MCC: variants seen among roughly 807,000 people sequenced by gnomAD.
The protein encoded by MCC is MCC regulator of Wnt signaling pathway.
In MCC, 90 loss-of-function variants were observed where a neutral mutation model predicts 116.2. The ratio of observed to expected loss-of-function variants is 0.77; its 90% CI spans 0.65 to 0.92. MCC has a LOEUF of 0.92. MCC is among the 40% of genes least tolerant of loss of function. The probability of loss-of-function intolerance (pLI) is 0.00; values close to 1 mark genes in which losing one functional copy is unlikely to be tolerated. For missense variants in MCC, 1,516 were observed against 1,312.2 expected (o/e 1.16, Z -2.40); for synonymous variants, 578 against 510.5 (o/e 1.13, Z -1.78).
At chr5:113,086,470 T>C (rs7708215) in intron 8 of MCC, among the ~76,000 whole-genome samples, 19,999 of 152,220 alleles carry the variant, frequency 0.13, 1,460 homozygotes, top group South Asian at 0.21. Flanking sequence ...CAGATGAGAT[T>C]TTCCCTGGAA....
Position 113,022,584 on chromosome 5 carries a change from TACTC to T in MCC, c.*4714_*4717del, listed in dbSNP as rs368951140. 1,061 of 152,348 alleles carry T rather than the reference TACTC, an allele frequency of 7.0e-3. 9 individuals carry two copies. The highest frequency in any genetic ancestry group is 0.023 in the African/African-American group (974 of 41,574). The allele number at this position is 152,348 out of a possible 1,614,324, so 9.4% of individuals were successfully genotyped here. Reference sequence around the variant, plus strand: ...ACAAAAGCAGATTATCAGGGGCTCTTACTCACTTGCCATTCCTGACATGAGCACT... The same window carrying T: ...ACAAAAGCAGATTATCAGGGGCTCTTACTTGCCATTCCTGACATGAGCACT... On this transcript the variant is annotated 3_prime_UTR_variant, in exon 19 of 19. Coordinates refer to ENST00000408903, the MANE Select transcript of MCC (RefSeq NM_001085377.2).
rs754714587 is a variant in MCC at position 113,085,277 on chromosome 5, G to A, written c.1432C>T (p.Gln478Ter). The change falls in exon 9 of 19, where the codon CAG becomes TAG. Residue 478 changes from glutamine (Q) to a stop codon, truncating the protein, a stop_gained. Transcript: ENST00000408903. LOFTEE classifies it high-confidence loss of function. ...RELQTRLQSV[Q>*]ATGPSSPGRL... Reference sequence around the variant, plus strand: ...CCAGGGCTGGAGGGACCTGTGGCCTGCACGCTCTGTAGTCGAGTTTGAAGC... The same window carrying A: ...CCAGGGCTGGAGGGACCTGTGGCCTACACGCTCTGTAGTCGAGTTTGAAGC... The A allele has an allele frequency of 6.2e-7, 1 of 1,614,042 alleles. No homozygotes were observed. Among genetic ancestry groups the A allele is most frequent in the Non-Finnish European group, 8.5e-7 (1 of 1,179,946 alleles).
At chr5:113,374,808 T>G (rs548567322) in intron 2 of MCC, among the ~76,000 whole-genome samples, 73 of 151,880 alleles carry the variant, frequency 4.8e-4, no homozygotes, top group Non-Finnish European at 5.0e-4. Context: ...CTGGGCAACA[T>G]GGTGAAATCC....
intron 3 of MCC, among the ~76,000 whole-genome samples, chr5:113,231,628 T>C (rs910996951): frequency 3.9e-5 from 6 of 152,170 alleles, no homozygotes; most frequent in African/African-American, 1.2e-4. Context: ...ATCTCTAAAA[T>C]GGAATTTCCT....
chr5:113,168,542 A>G (rs761411442), intron 3 of MCC, among the ~76,000 whole-genome samples: 133 of 152,208 alleles, frequency 8.7e-4, no homozygotes, highest in Non-Finnish European at 1.4e-3. Context: ...AGAGTATACA[A>G]AAGGATAAAT....
chr5:113,329,587 C>T lies in MCC; in HGVS notation c.627+10932G>A, dbSNP rs545261847. Among the ~76,000 whole-genome samples the T allele has an allele frequency of 2.6e-5, 4 of 152,242 alleles. No individual in the cohort carries two copies. The East Asian group carries it at 7.7e-4, about 29-fold the overall frequency. Reference sequence around the variant, plus strand: ...TTATAAATCCAGAAAGCCATACAAACTAGTTTCAGAGGATTATCTCTTTCA... The same window carrying T: ...TTATAAATCCAGAAAGCCATACAAATTAGTTTCAGAGGATTATCTCTTTCA... On this transcript the variant is annotated intron_variant, in intron 3 of 18. Transcript: ENST00000408903.
chr5:113,118,483 A>G (rs1456017876), intron 6 of MCC, among the ~76,000 whole-genome samples: 1 of 152,200 alleles, frequency 6.6e-6, no homozygotes, highest in Non-Finnish European at 1.5e-5. Context: ...AGTGTCCAGG[A>G]ACCAGCCTAC....
chr5:113,090,850 G>A lies in MCC; in HGVS notation c.1399-5540C>T, dbSNP rs572614067. 2.8e-4 allele frequency among the ~76,000 whole-genome samples: 43 copies of A among 152,308 alleles called. No individual in the cohort carries two copies. In the South Asian group the frequency reaches 8.9e-3, roughly 32 times the overall value. ...GCATAGAAATCCTGCATTAAAAAAGGAACAATGAGAAATAAATTCATTGCC... is the reference window on the plus strand; with the variant it reads ...GCATAGAAATCCTGCATTAAAAAAGAAACAATGAGAAATAAATTCATTGCC... On this transcript the variant is annotated intron_variant, in intron 8 of 18. Coordinates refer to ENST00000408903, the MANE Select transcript of MCC (RefSeq NM_001085377.2).
chr5:113,208,249 G>C lies in MCC; in HGVS notation c.628-56827C>G, dbSNP rs144812192. Reference sequence around the variant, plus strand: ...GTGACATATCACAGTCACCAGATATGATACTTTGTAAGCTGGATAATTAGT... The same window carrying C: ...GTGACATATCACAGTCACCAGATATCATACTTTGTAAGCTGGATAATTAGT... On this transcript the variant is annotated intron_variant, in intron 3 of 18. Coordinates refer to ENST00000408903, the MANE Select transcript of MCC (RefSeq NM_001085377.2). Among the ~76,000 whole-genome samples the C allele has an allele frequency of 1.3e-3, 202 of 152,198 alleles. 5 individuals carry two copies. In the East Asian group the frequency reaches 0.031, roughly 23 times the overall value.
At chr5:113,123,658 T>C (rs1757862494) in intron 5 of MCC, among the ~76,000 whole-genome samples, 1 of 152,196 alleles carries the variant, frequency 6.6e-6, no homozygotes, top group Non-Finnish European at 1.5e-5. Flanking sequence ...GCACGTGTAC[T>C]GTCCCCTTCC....
chr5:113,275,787 C>T (rs765076407), intron 3 of MCC, among the ~76,000 whole-genome samples: 3 of 152,116 alleles, frequency 2.0e-5, no homozygotes, highest in Non-Finnish European at 4.4e-5. Flanking sequence ...TATGCAAATA[C>T]TACACCCTTT....
chr5:113,238,829 T>C (rs773977323), intron 3 of MCC, among the ~76,000 whole-genome samples: 9 of 152,234 alleles, frequency 5.9e-5, no homozygotes, highest in African/African-American at 2.4e-5. Flanking sequence ...GCATTTCCAA[T>C]TTTTGTAAAA....
chr5:113,425,099 C>T (rs1344688977), intron 1 of MCC, among the ~76,000 whole-genome samples: 1 of 151,960 alleles, frequency 6.6e-6, no homozygotes, highest in Non-Finnish European at 1.5e-5. Flanking sequence ...TTTTTAAAGA[C>T]ATGAAATATC....
intron 1 of MCC, among the ~76,000 whole-genome samples, chr5:113,430,033 C>T (rs555592194): frequency 1.3e-5 from 2 of 152,244 alleles, no homozygotes; most frequent in East Asian, 3.9e-4. Context: ...ATGGAAGAAA[C>T]CATGGGGATT....
chr5:113,446,980 A>G (rs1160394648), intron 1 of MCC, among the ~76,000 whole-genome samples: 2 of 152,098 alleles, frequency 1.3e-5, no homozygotes, highest in African/African-American at 4.8e-5. Context: ...AAATAAGATC[A>G]TTTCTAGTAA....
At chr5:113,098,325 A>T (rs181591163) in intron 8 of MCC, among the ~76,000 whole-genome samples, 33 of 152,292 alleles carry the variant, frequency 2.2e-4, no homozygotes, top group African/African-American at 7.5e-4. Flanking sequence ...ACTTGACATA[A>T]ACCTTGCAAT....
intron 2 of MCC, among the ~76,000 whole-genome samples, chr5:113,353,972 G>T (rs1054744674): frequency 6.6e-6 from 1 of 152,188 alleles, no homozygotes; most frequent in Non-Finnish European, 1.5e-5. Context: ...TGTCCACTGA[G>T]AGTCAATATC....
chr5:113,452,779 T>G (rs1406126976), intron 1 of MCC, among the ~76,000 whole-genome samples: 1 of 152,200 alleles, frequency 6.6e-6, no homozygotes, highest in Non-Finnish European at 1.5e-5. Flanking sequence ...AGTCTAAGAT[T>G]ATGATTTCAT....
intron 3 of MCC, among the ~76,000 whole-genome samples, chr5:113,305,663 A>T (rs952716698): frequency 6.6e-6 from 1 of 152,202 alleles, no homozygotes; most frequent in African/African-American, 2.4e-5. Flanking sequence ...TAGCTCAATG[A>T]TATGACTCCA....
Sources: gnomAD v4.1 joint callset for allele counts (sites outside exome capture counted in the v4.1 genomes callset) on GRCh38, gnomAD v4.1.1 for gene constraint, MANE v1.5 for transcripts, NCBI Gene and HGNC (gene_info 2026-07-23, HGNC 2026-07-21) for gene names.